MMP11: variants seen among roughly 807,000 people sequenced by gnomAD.
The protein encoded by MMP11 is matrix metallopeptidase 11.
In MMP11, 26 loss-of-function variants were observed where a neutral mutation model predicts 49.5. That is an observed-to-expected ratio of 0.52 (90% CI 0.38 to 0.73). The LOEUF (loss-of-function observed/expected upper bound fraction) is 0.73. Among genes scored for constraint, MMP11 ranks in the 30% least tolerant of loss-of-function variants. The pLI is 0.00. For synonymous variants in MMP11, 265 were observed against 282.3 expected, an observed-to-expected ratio of 0.94 and a Z score of 0.62; for missense variants, 624 against 671.2, an observed-to-expected ratio of 0.93 and a Z score of 0.78.
intron 6 of MMP11, 142 bp downstream of exon 6, chr22:23,781,551 A>G: frequency 2.5e-6 from 2 of 814,998 alleles, no homozygotes; most frequent in Non-Finnish European, 3.8e-6. Context: ...AGGGAGAGAG[A>G]GTGTGGTTTG....
chr22:23,779,254 C>T lies in MMP11; in HGVS notation c.176C>T (p.Pro59Leu), dbSNP rs142328740. 2.3e-3 allele frequency: 3,644 copies of T among 1,608,890 alleles called. 11 individuals carry two copies. Among genetic ancestry groups the T allele is most frequent in the Middle Eastern group, 8.9e-3 (54 of 6,050 alleles). ...QPWHAALPSS[P>L]APAPATQEAP... is the part of the protein sequence containing the mutation. ...TGGCATGCAGCCCTGCCCAGTAGCCCGGCACCTGCCCCTGCCACGCAGGAA... is the reference window on the plus strand; with the variant it reads ...TGGCATGCAGCCCTGCCCAGTAGCCTGGCACCTGCCCCTGCCACGCAGGAA... Residue 59 changes from proline (P) to leucine (L), a missense_variant, in exon 2 of 8, where the codon CCG becomes CTG. Coordinates refer to ENST00000215743, the MANE Select transcript of MMP11 (RefSeq NM_005940.5).
At chr22:23,779,068 T>G in intron 1 of MMP11, 119 bp from the exon 2 acceptor site, 2 of 789,950 alleles carry the variant, frequency 2.5e-6, no homozygotes, top group Non-Finnish European at 4.0e-6. Flanking sequence ...TCCCTCTCCA[T>G]TTGCCCAGCC....
chr22:23,782,363 G>A lies in MMP11; in HGVS notation c.1213G>A (p.Gly405Ser), dbSNP rs928253207. Residue 405 changes from glycine (G) to serine (S), a missense_variant, in exon 7 of 8, where the codon GGC becomes AGC. Transcript: ENST00000215743. ...PEKNKIYFFR[G>S]RDYWRFHPST... Reference sequence around the variant, plus strand: ...GAAGAACAAGATCTACTTCTTCCGAGGCAGGGACTACTGGCGTTTCCACCC... The same window carrying A: ...GAAGAACAAGATCTACTTCTTCCGAAGCAGGGACTACTGGCGTTTCCACCC... 1 of 1,614,046 alleles carries A rather than the reference G, an allele frequency of 6.2e-7. No homozygotes were observed. Among genetic ancestry groups the A allele is most frequent in the Non-Finnish European group, 8.5e-7 (1 of 1,180,020 alleles).
In MMP11 at chr22:23,780,315, G is replaced by C; in HGVS notation, c.339-44G>C. The C allele has an allele frequency of 6.2e-7, 1 of 1,611,472 alleles. No individual in the cohort carries two copies. Among genetic ancestry groups the C allele is most frequent in the Non-Finnish European group, 8.5e-7 (1 of 1,179,762 alleles). ...AACTCCTGGTGCCTCAGCCATCGGG[G>C]GCTGTCCCTTCCCTGAGGCCCAGGC... On this transcript the variant is annotated intron_variant, in intron 2 of 7. Transcript: ENST00000215743. This position sits in a 1 kb window ranked among gnomAD's most constrained non-coding sequence, Gnocchi z 4.6.
At chr22:23,782,679 C>G (rs1927684221) in intron 7 of MMP11, 196 bp downstream of exon 7, 10 of 683,742 alleles carry the variant, frequency 1.5e-5, no homozygotes, top group Non-Finnish European at 2.4e-5. Context: ...AACTGAGGGT[C>G]AGAGAAGTGC....
Position 23,781,229 on chromosome 22 carries a change from G to A in MMP11, c.895G>A (p.Asp299Asn). Residue 299 changes from aspartate (D) to asparagine (N), a missense_variant, in exon 6 of 8, where the codon GAC (aspartate) becomes AAC (asparagine). By Grantham distance (23) the Asp-to-Asn change is conservative. Transcript: ENST00000215743. Reference sequence around the variant, plus strand: ...GCCAGATGCCTGTGAGGCCTCCTTTGACGCGGTCTCCACCATCCGAGGCGA... The same window carrying A: ...GCCAGATGCCTGTGAGGCCTCCTTTAACGCGGTCTCCACCATCCGAGGCGA... ...APPDACEASF[D>N]AVSTIRGELF... 3.1e-6 allele frequency: 5 copies of A among 1,611,636 alleles called. No individual in the cohort carries two copies. Among genetic ancestry groups the A allele is most frequent in the Non-Finnish European group, 4.2e-6 (5 of 1,180,038 alleles).
At chr22:23,776,329 C>G (rs1927408625) in intron 1 of MMP11, among the ~76,000 whole-genome samples, 1 of 152,192 alleles carries the variant, frequency 6.6e-6, no homozygotes, top group Admixed American at 6.5e-5. Context: ...CCCTGCCAGG[C>G]TGGGGAAAGG....
intron 7 of MMP11, 29 bp from the exon 8 acceptor site, chr22:23,783,382 G>T (rs756919599): frequency 6.2e-7 from 1 of 1,611,998 alleles, no homozygotes. Flanking sequence ...GTGTCCGCTC[G>T]CCCAGGCTTG....
In MMP11 at chr22:23,780,429, T is replaced by C; in HGVS notation, c.409T>C (p.Trp137Arg). 1 of 1,613,906 alleles carries C rather than the reference T, an allele frequency of 6.2e-7. No individual in the cohort carries two copies. Among genetic ancestry groups the C allele is most frequent in the Non-Finnish European group, 8.5e-7 (1 of 1,180,010 alleles). ...RQTMAEALKVWSDVTPLTFTE... is the reference protein window; with the variant it reads ...RQTMAEALKVRSDVTPLTFTE... ...GACGATGGCAGAGGCCCTAAAGGTA[T>C]GGAGCGATGTGACGCCACTCACCTT... is the stretch of plus-strand genomic sequence containing the variant. The change falls in exon 3 of 8, where the codon TGG (tryptophan) becomes CGG (arginine). Residue 137 changes from tryptophan (W) to arginine (R), a missense_variant. Trp to Arg is a moderately radical substitution (Grantham distance 101). Transcript: ENST00000215743. The surrounding 1 kb of genome is among the most constrained non-coding windows in gnomAD (Gnocchi z 4.6).
At chr22:23,783,290 C>T (rs1381128114) in intron 7 of MMP11, 121 bp from the exon 8 acceptor site, 2 of 1,222,400 alleles carry the variant, frequency 1.6e-6, no homozygotes, top group Non-Finnish European at 2.3e-6. Flanking sequence ...TCGAGGAACT[C>T]AGCAGTGGCC....
intron 1 of MMP11, among the ~76,000 whole-genome samples, chr22:23,776,090 G>C (rs968465349): frequency 6.6e-6 from 1 of 152,202 alleles, no homozygotes; most frequent in Non-Finnish European, 1.5e-5. Context: ...AGGGGTTTGG[G>C]CATGGACTGG....
chr22:23,780,528 CG>C lies in MMP11; in HGVS notation c.482+29del. 6.2e-7 allele frequency: 1 copy of C among 1,612,998 alleles called. No individual in the cohort carries two copies. Among genetic ancestry groups the C allele is most frequent in the Admixed American group, 1.7e-5 (1 of 60,022 alleles). On this transcript the variant is annotated intron_variant, in intron 3 of 7. Transcript: ENST00000215743. This position sits in a 1 kb window ranked among gnomAD's most constrained non-coding sequence, Gnocchi z 4.6. Reference sequence around the variant, plus strand: ...GTGAATGGGCGGCCTGGGACCCCTCCGGGAACAGCCTCGCCTGCCAGCAGCC... The same window carrying C: ...GTGAATGGGCGGCCTGGGACCCCTCCGGAACAGCCTCGCCTGCCAGCAGCC...
intron 5 of MMP11, 24 bp from the exon 6 acceptor site, chr22:23,781,169 A>C: frequency 6.2e-7 from 1 of 1,610,096 alleles, no homozygotes; most frequent in Non-Finnish European, 8.5e-7. Context: ...TGCCCTCAGC[A>C]TGTGTCCCTC....
chr22:23,773,148 C>T (rs1927293834), intron 1 of MMP11, among the ~76,000 whole-genome samples, 170 bp downstream of exon 1: 2 of 152,176 alleles, frequency 1.3e-5, no homozygotes, highest in African/African-American at 4.8e-5. Context: ...AGCTTGCAGT[C>T]CCTGGGGGTG....
Position 23,780,449 on chromosome 22 carries a change from C to CA in MMP11, c.430dup (p.Thr144AsnfsTer4). ...AGGTATGGAGCGATGTGACGCCACT[C>CA]ACCTTTACTGAGGTGCACGAGGGCC... On this transcript the variant is annotated frameshift_variant, in exon 3 of 8. Transcript: ENST00000215743. LOFTEE classifies it high-confidence loss of function. This position sits in a 1 kb window ranked among gnomAD's most constrained non-coding sequence, Gnocchi z 4.6. The CA allele has an allele frequency of 6.2e-7, 1 of 1,614,080 alleles. No individual in the cohort carries two copies. Among genetic ancestry groups the CA allele is most frequent in the Non-Finnish European group, 8.5e-7 (1 of 1,180,028 alleles).
rs758377181 is a variant in MMP11 at position 23,783,630 on chromosome 22, G to C, written c.*86G>C. ...GACCCATGGCCATCTTTGTGGCTGT[G>C]GGCACCAGGCATGGGACTGAGCCCA... On this transcript the variant is annotated 3_prime_UTR_variant, in exon 8 of 8. Transcript: ENST00000215743. The C allele has an allele frequency of 1.3e-6, 2 of 1,564,744 alleles. No individual in the cohort carries two copies. Among genetic ancestry groups the C allele is most frequent in the African/African-American group, 1.3e-5 (1 of 74,116 alleles).
At chr22:23,779,864 G>A (rs768781532) in intron 2 of MMP11, 10 of 260,120 alleles carry the variant, frequency 3.8e-5, no homozygotes, top group Non-Finnish European at 6.7e-5. Context: ...AGTGGTAAGC[G>A]GGGAGAGGCA....
intron 6 of MMP11, 67 bp from the exon 7 acceptor site, chr22:23,782,159 A>C: frequency 6.4e-7 from 1 of 1,570,594 alleles, no homozygotes. Context: ...GGGGTCAAGC[A>C]GGTCCACAGT....
intron 7 of MMP11, 36 bp downstream of exon 7, chr22:23,782,519 C>T: frequency 3.2e-5 from 51 of 1,572,476 alleles, no homozygotes; most frequent in Non-Finnish European, 4.2e-5. Context: ...GGGAGGTGGG[C>T]ACAGCAGCCG....
Sources: allele counts gnomAD v4.1 joint callset (sites outside exome capture counted in the v4.1 genomes callset), GRCh38; gene constraint gnomAD v4.1.1; non-coding constraint Gnocchi (gnomAD v3.1); transcripts MANE v1.5; gene names NCBI Gene and HGNC (gene_info 2026-07-23, HGNC 2026-07-21).